The following ZFAT variants were observed in gnomAD, a reference collection of about 807,000 sequenced individuals.
ZFAT encodes the protein zinc finger and AT-hook domain containing.
ZFAT carries 64 observed loss-of-function variants against 117.7 expected under a neutral mutation model. That is an observed-to-expected ratio of 0.54 (90% CI 0.44 to 0.67). ZFAT has a LOEUF of 0.67. Among genes scored for constraint, ZFAT ranks in the 30% least tolerant of loss-of-function variants. The pLI, the probability that ZFAT is intolerant of heterozygous loss-of-function variation, is 0.00. For synonymous variants in ZFAT, 679 were observed against 615.0 expected (o/e 1.10, Z -1.54); for missense variants, 1,433 against 1,584.5 (o/e 0.90, Z 1.62).
chr8:134,501,886 T>C (rs17760586), intron 15 of ZFAT, among the ~76,000 whole-genome samples: 4,677 of 152,302 alleles, frequency 0.031, 121 homozygotes, highest in Non-Finnish European at 0.047. Context: ...TCAATCCTTT[T>C]TGTGGCTAGG....
intron 11 of ZFAT, 91 bp from the exon 12 acceptor site, chr8:134,533,063 A>C: frequency 6.6e-7 from 1 of 1,510,862 alleles, no homozygotes; most frequent in African/African-American, 1.4e-5. Flanking sequence ...TGACACCCTG[A>C]AAGCCTGAGA....
chr8:134,768,632 C>T, the ZFAT span, among the ~76,000 whole-genome samples: 3 of 152,140 alleles, frequency 2.0e-5, no homozygotes, highest in Non-Finnish European at 4.4e-5. Context: ...ACCATCAGGC[C>T]TCATGAGACA....
At chr8:134,546,567 C>T (rs1237058146) in intron 11 of ZFAT, among the ~76,000 whole-genome samples, 2 of 152,096 alleles carry the variant, frequency 1.3e-5, no homozygotes, top group Non-Finnish European at 2.9e-5. Context: ...CTAATCAGAG[C>T]CCGTAAAGGA....
At chr8:134,738,148 C>T in the ZFAT span, among the ~76,000 whole-genome samples, 1 of 152,104 alleles carries the variant, frequency 6.6e-6, no homozygotes, top group East Asian at 1.9e-4. Flanking sequence ...TGTTGATGCA[C>T]ATAAAATGAT....
At chr8:134,565,580 G>T in intron 10 of ZFAT, 159 bp from the exon 11 acceptor site, 1 of 749,486 alleles carries the variant, frequency 1.3e-6, no homozygotes, top group Non-Finnish European at 2.3e-6. Context: ...GCACAATGCA[G>T]CATGCTCAGT....
At chr8:134,669,458 G>A (rs113337367) in intron 1 of ZFAT, among the ~76,000 whole-genome samples, 1 of 152,252 alleles carries the variant, frequency 6.6e-6, no homozygotes, top group Admixed American at 6.5e-5. Context: ...CAACATTCTT[G>A]AAGAAAAGAA....
intron 1 of ZFAT, among the ~76,000 whole-genome samples, chr8:134,664,655 C>T (rs1832121093): frequency 6.6e-6 from 1 of 152,230 alleles, no homozygotes; most frequent in South Asian, 2.1e-4. Context: ...GGCGCCGGGT[C>T]AGGCTGCATC....
chr8:134,650,554 C>T lies in ZFAT; in HGVS notation c.196+7007G>A, dbSNP rs555344704. On this transcript the variant is annotated intron_variant, in intron 2 of 15. Transcript: ENST00000377838. ...TGTCTTTTTTGAAGAAATAGACAAG[C>T]TGATCCTAAAATTCATATGGAACTG... 1.8e-3 allele frequency among the ~76,000 whole-genome samples: 271 copies of T among 152,266 alleles called. 1 individual carries two copies. Among genetic ancestry groups the T allele is most frequent in the African/African-American group, 6.1e-3 (253 of 41,560 alleles).
intron 12 of ZFAT, among the ~76,000 whole-genome samples, chr8:134,532,061 T>A (rs1325680405): frequency 6.6e-6 from 1 of 152,168 alleles, no homozygotes; most frequent in African/African-American, 2.4e-5. Context: ...TAGATATAAA[T>A]ACAACAGAAT....
At chr8:134,728,068 A>G in the ZFAT span, among the ~76,000 whole-genome samples, 6 of 152,312 alleles carry the variant, frequency 3.9e-5, no homozygotes, top group Admixed American at 6.5e-5. Flanking sequence ...CCTGAAATCT[A>G]TAATACCTCA....
chr8:134,831,766 G>C, the ZFAT span, among the ~76,000 whole-genome samples: 145 of 151,656 alleles, frequency 9.6e-4, no homozygotes, highest in Non-Finnish European at 1.4e-3. Context: ...GCACCGCAGC[G>C]CCCACTTCCC....
intron 10 of ZFAT, among the ~76,000 whole-genome samples, chr8:134,572,605 C>T (rs559177580): frequency 6.6e-6 from 1 of 152,202 alleles, no homozygotes; most frequent in East Asian, 1.9e-4. Context: ...AGCCAGTGGC[C>T]TAATTGTGCG....
chr8:134,532,709 G>T, intron 12 of ZFAT, 125 bp downstream of exon 12: 1 of 1,282,906 alleles, frequency 7.8e-7, no homozygotes. Flanking sequence ...GGACGATGAA[G>T]AATGAACATC....
chr8:134,730,984 A>G, the ZFAT span, among the ~76,000 whole-genome samples: 4 of 152,352 alleles, frequency 2.6e-5, no homozygotes, highest in East Asian at 7.7e-4. Flanking sequence ...CCTTGAGGCC[A>G]TGAATGCTCT....
the ZFAT span, among the ~76,000 whole-genome samples, chr8:134,726,203 C>T: frequency 6.6e-6 from 1 of 151,938 alleles, no homozygotes; most frequent in Non-Finnish European, 1.5e-5. Flanking sequence ...GGAAAGGAAA[C>T]GAAGTAAAGT....
chr8:134,744,955 G>T, the ZFAT span, among the ~76,000 whole-genome samples: 16 of 150,676 alleles, frequency 1.1e-4, 1 homozygote, highest in South Asian at 8.4e-4. Context: ...GGTCTCGATC[G>T]CCTGACCTCG....
At chr8:134,700,433 G>C (rs1055221576) in intron 1 of ZFAT, among the ~76,000 whole-genome samples, 5 of 152,168 alleles carry the variant, frequency 3.3e-5, no homozygotes, top group African/African-American at 1.2e-4. Flanking sequence ...CTCAGGACAT[G>C]GGCAGGGCCT....
At chr8:134,804,843 G>A in the ZFAT span, 1 of 533,508 alleles carries the variant, frequency 1.9e-6, no homozygotes, top group Admixed American at 1.9e-5. Flanking sequence ...CTCCGGGACA[G>A]AATTATATCA....
the ZFAT span, among the ~76,000 whole-genome samples, chr8:134,734,554 C>A: frequency 6.6e-6 from 1 of 152,218 alleles, no homozygotes; most frequent in Admixed American, 6.5e-5. Flanking sequence ...CATGAACAAA[C>A]CCTCGTGGCA....
Sources: allele counts gnomAD v4.1 joint callset (sites outside exome capture counted in the v4.1 genomes callset), GRCh38; gene constraint gnomAD v4.1.1; transcripts MANE v1.5; gene names NCBI Gene and HGNC (gene_info 2026-07-23, HGNC 2026-07-21).